SIM1: variants seen among roughly 807,000 people sequenced by gnomAD.
SIM1 encodes the protein single-minded homolog 1.
In SIM1, 18 loss-of-function variants were observed where a neutral mutation model predicts 78.2. The ratio of observed to expected loss-of-function variants is 0.23; its 90% CI spans 0.16 to 0.34. The LOEUF (loss-of-function observed/expected upper bound fraction) is 0.34. Among genes scored for constraint, SIM1 ranks in the 10% least tolerant of loss-of-function variants. The probability of loss-of-function intolerance (pLI) is 1.00; values close to 1 mark genes in which losing one functional copy is unlikely to be tolerated. For synonymous variants in SIM1, 417 were observed against 385.2 expected, an observed-to-expected ratio of 1.08 and a Z score of -0.97; for missense variants, 939 against 975.1, an observed-to-expected ratio of 0.96 and a Z score of 0.49.
intron 10 of SIM1, among the ~76,000 whole-genome samples, chr6:100,410,864 A>T (rs1276642911): frequency 6.6e-6 from 1 of 152,224 alleles, no homozygotes; most frequent in African/African-American, 2.4e-5. Flanking sequence ...GAGAGCCTGG[A>T]ACCAGACAAA....
chr6:100,458,280 G>A (rs551035815), intron 2 of SIM1, among the ~76,000 whole-genome samples: 1 of 152,140 alleles, frequency 6.6e-6, no homozygotes, highest in South Asian at 2.1e-4. Flanking sequence ...AATCGATGTC[G>A]CCCTGGGACT....
chr6:100,416,512 C>T (rs1771405978), intron 10 of SIM1, among the ~76,000 whole-genome samples: 5 of 151,944 alleles, frequency 3.3e-5, no homozygotes, highest in Admixed American at 2.6e-4. Flanking sequence ...TGGAAACTGC[C>T]TCTTGAAAAT....
intron 10 of SIM1, among the ~76,000 whole-genome samples, chr6:100,394,633 G>C (rs1474519811): frequency 1.3e-5 from 2 of 152,104 alleles, no homozygotes; most frequent in Admixed American, 1.3e-4. Context: ...TTGAACTCTG[G>C]AGTTCAAGCA....
At chr6:100,401,969 C>T (rs1034845973) in intron 10 of SIM1, among the ~76,000 whole-genome samples, 5 of 152,204 alleles carry the variant, frequency 3.3e-5, no homozygotes, top group Non-Finnish European at 7.3e-5. Context: ...GGCGTATCCT[C>T]ATCTACTGCC....
intron 10 of SIM1, among the ~76,000 whole-genome samples, chr6:100,418,022 G>A (rs1293040269): frequency 2.0e-5 from 3 of 152,106 alleles, no homozygotes; most frequent in African/African-American, 7.2e-5. Flanking sequence ...GGACATATGT[G>A]TGTGCATGTG....
At chr6:100,449,784 AC>A in intron 4 of SIM1, 85 bp from the exon 5 acceptor site, 1 of 1,104,932 alleles carries the variant, frequency 9.1e-7, no homozygotes, top group Non-Finnish European at 1.4e-6. Flanking sequence ...GATCTGCAGG[AC>A]CATGAGGACA....
intron 10 of SIM1, among the ~76,000 whole-genome samples, chr6:100,412,659 G>A (rs181092068): frequency 0.015 from 1,546 of 100,476 alleles, 67 homozygotes; most frequent in East Asian, 0.022. Flanking sequence ...GAAAGAAAGA[G>A]AGAGAGAGAG....
chr6:100,398,827 C>A (rs980010515), intron 10 of SIM1, among the ~76,000 whole-genome samples: 2 of 151,884 alleles, frequency 1.3e-5, no homozygotes, highest in Non-Finnish European at 2.9e-5. Flanking sequence ...ATTTTGAATT[C>A]TTTGAGGACC....
chr6:100,423,440 C>A (rs1029168718), intron 9 of SIM1, among the ~76,000 whole-genome samples: 1 of 152,138 alleles, frequency 6.6e-6, no homozygotes, highest in Non-Finnish European at 1.5e-5. Flanking sequence ...TAAGTTCCTA[C>A]CCCTCATGAA....
intron 10 of SIM1, among the ~76,000 whole-genome samples, chr6:100,401,876 TCTGA>T (rs1770924142): frequency 1.3e-5 from 2 of 152,242 alleles, no homozygotes; most frequent in South Asian, 4.1e-4. Context: ...TGTTTTTATT[TCTGA>T]CTGTTAATAT....
chr6:100,422,270 C>G (rs1163374119), intron 9 of SIM1, among the ~76,000 whole-genome samples: 1 of 152,072 alleles, frequency 6.6e-6, no homozygotes, highest in Non-Finnish European at 1.5e-5. Context: ...GTGGCATGAT[C>G]TCAGTTCACT....
rs1448221304 is a variant in SIM1 at position 100,385,961 on chromosome 6, T to A, written c.*4400A>T. ...GTCTGATACCTTTTGCATGTGTCCA[T>A]AACTGTTGTCATTCATTTAAAATTT... On this transcript the variant is annotated 3_prime_UTR_variant, in exon 12 of 12. Coordinates refer to ENST00000369208, the MANE Select transcript of SIM1 (RefSeq NM_005068.3). 1 of 152,004 alleles carries A rather than the reference T, an allele frequency of 6.6e-6. No homozygotes were observed. Among genetic ancestry groups the A allele is most frequent in the East Asian group, 1.9e-4 (1 of 5,200 alleles). The allele number at this position is 152,004 out of a possible 1,614,324, so 9.4% of individuals were successfully genotyped here. A position where few individuals can be genotyped will look rare whatever the true frequency, so the allele number is the denominator to read the frequency against.
intron 10 of SIM1, among the ~76,000 whole-genome samples, chr6:100,415,115 T>TA (rs1771364827): frequency 1.3e-5 from 2 of 152,158 alleles, no homozygotes; most frequent in African/African-American, 4.8e-5. Flanking sequence ...TAAAACAGGA[T>TA]GGCACGCACT....
intron 10 of SIM1, among the ~76,000 whole-genome samples, chr6:100,395,791 G>A (rs376260191): frequency 6.6e-5 from 10 of 152,164 alleles, no homozygotes; most frequent in African/African-American, 2.4e-4. Context: ...TCAGCTGAGG[G>A]CTGTTGGGGA....
chr6:100,410,358 A>T (rs577800482), intron 10 of SIM1, among the ~76,000 whole-genome samples: 37 of 152,332 alleles, frequency 2.4e-4, no homozygotes, highest in African/African-American at 8.9e-4. Context: ...ATTAAGCCAG[A>T]AGCAGAGGCT....
intron 8 of SIM1, among the ~76,000 whole-genome samples, chr6:100,447,673 T>TA (rs1303004083): frequency 6.6e-6 from 1 of 152,162 alleles, no homozygotes; most frequent in Non-Finnish European, 1.5e-5. Context: ...GAGGAACACT[T>TA]AGAGTTTGGA....
intron 9 of SIM1, among the ~76,000 whole-genome samples, chr6:100,439,626 A>G (rs1325407909): frequency 6.6e-6 from 1 of 152,218 alleles, no homozygotes; most frequent in East Asian, 1.9e-4. Context: ...AATGAGGAAT[A>G]TACAAAAGGC....
At chr6:100,399,657 C>T (rs1239563766) in intron 10 of SIM1, among the ~76,000 whole-genome samples, 2 of 152,094 alleles carry the variant, frequency 1.3e-5, no homozygotes, top group Non-Finnish European at 2.9e-5. Context: ...ATCAAATTTA[C>T]AATTTGACTA....
chr6:100,442,783 G>T (rs1163363336), intron 9 of SIM1, among the ~76,000 whole-genome samples: 1 of 151,644 alleles, frequency 6.6e-6, no homozygotes, highest in African/African-American at 2.4e-5. Context: ...ATATATCACT[G>T]GTCTTTAAAT....
Sources: allele counts gnomAD v4.1 joint callset (sites outside exome capture counted in the v4.1 genomes callset), GRCh38; gene constraint gnomAD v4.1.1; transcripts MANE v1.5; gene names NCBI Gene and HGNC (gene_info 2026-07-23, HGNC 2026-07-21).